BABAM2: variants seen among roughly 807,000 people sequenced by gnomAD.
BABAM2 encodes the protein BRISC and BRCA1-A complex member 2.
A neutral mutation model predicts 54.7 loss-of-function variants in BABAM2; 31 were observed. The ratio of observed to expected loss-of-function variants is 0.57; its 90% CI spans 0.43 to 0.77. BABAM2 has a LOEUF of 0.77. Among genes scored for constraint, BABAM2 ranks in the 30% least tolerant of loss-of-function variants. The pLI, the probability that BABAM2 is intolerant of heterozygous loss-of-function variation, is 0.00. For missense variants in BABAM2, 364 were observed against 455.8 expected (o/e 0.80, Z 1.83); for synonymous variants, 167 against 162.9 (o/e 1.03, Z -0.19).
At chr2:28,227,128 C>T (rs1314189443) in intron 7 of BABAM2, among the ~76,000 whole-genome samples, 1 of 152,038 alleles carries the variant, frequency 6.6e-6, no homozygotes, top group Non-Finnish European at 1.5e-5. Flanking sequence ...GATTCAATCT[C>T]AAAGCCCAGA....
chr2:28,267,790 C>T (rs1216909547), intron 10 of BABAM2, among the ~76,000 whole-genome samples: 2 of 152,230 alleles, frequency 1.3e-5, no homozygotes, highest in Admixed American at 1.3e-4. Context: ...TTGGCTCCAC[C>T]TCACTGCAGG....
intron 7 of BABAM2, among the ~76,000 whole-genome samples, chr2:28,150,571 A>C (rs1424741155): frequency 2.6e-5 from 4 of 152,212 alleles, no homozygotes; most frequent in African/African-American, 9.7e-5. Flanking sequence ...GGCAATCTGT[A>C]AGTATTTTAG....
At chr2:28,232,460 G>T (rs192666071) in intron 7 of BABAM2, among the ~76,000 whole-genome samples, 3 of 152,292 alleles carry the variant, frequency 2.0e-5, no homozygotes, top group Admixed American at 6.5e-5. Flanking sequence ...TTGCTTAATG[G>T]CCAGGACACG....
At chr2:27,949,533 CAAAA>C (rs1042311055) in intron 3 of BABAM2, among the ~76,000 whole-genome samples, 1 of 73,748 alleles carries the variant, frequency 1.4e-5, no homozygotes. Flanking sequence ...GATTCCGTCT[CAAAA>C]AAAAAAAAAA....
chr2:28,162,986 G>C (rs189163876), intron 7 of BABAM2, among the ~76,000 whole-genome samples: 246 of 152,246 alleles, frequency 1.6e-3, no homozygotes, highest in Non-Finnish European at 2.2e-3. Context: ...ATCCACAAGT[G>C]TAAGAATAAA....
intron 10 of BABAM2, among the ~76,000 whole-genome samples, chr2:28,253,495 T>C (rs1325987351): frequency 2.0e-5 from 3 of 152,178 alleles, no homozygotes; most frequent in Non-Finnish European, 4.4e-5. Context: ...CAGAACATCT[T>C]TCTGAGGTTA....
intron 10 of BABAM2, among the ~76,000 whole-genome samples, chr2:28,257,389 C>T (rs558240037): frequency 1.3e-5 from 2 of 152,306 alleles, no homozygotes; most frequent in African/African-American, 4.8e-5. Context: ...TAGCCACCGA[C>T]CACTTTCTGT....
intron 3 of BABAM2, among the ~76,000 whole-genome samples, chr2:27,946,768 C>A (rs917963248): frequency 2.0e-5 from 3 of 152,110 alleles, no homozygotes; most frequent in African/African-American, 7.2e-5. Context: ...AATGCAATTT[C>A]TTTAACAGAT....
At chr2:28,218,113 T>C (rs1277335211) in intron 7 of BABAM2, among the ~76,000 whole-genome samples, 1 of 152,256 alleles carries the variant, frequency 6.6e-6, no homozygotes, top group Non-Finnish European at 1.5e-5. Context: ...ATTCTCTATG[T>C]ACTTACATTT....
intron 10 of BABAM2, among the ~76,000 whole-genome samples, chr2:28,267,421 C>G (rs994765154): frequency 9.4e-5 from 14 of 149,350 alleles, no homozygotes; most frequent in African/African-American, 3.5e-4. Context: ...TTTACACTGA[C>G]TAGACACACA....
chr2:28,079,449 G>T (rs1664972782), intron 6 of BABAM2, among the ~76,000 whole-genome samples: 1 of 152,142 alleles, frequency 6.6e-6, no homozygotes, highest in Non-Finnish European at 1.5e-5. Flanking sequence ...TGTAGTACAA[G>T]AGAGGCAGGA....
Position 27,987,989 on chromosome 2 carries a change from T to G in BABAM2, c.206-4T>G, listed in dbSNP as rs560571611. ...AAAGGACCTGTCATTTTCTTTTATT[T>G]CAGGGGATATCATTTTCAATGCCCA... On this transcript the variant is annotated splice_polypyrimidine_tract_variant and splice_region_variant and intron_variant, in intron 3 of 11. Transcript: ENST00000379624. 14 of 1,605,568 alleles carry G rather than the reference T, an allele frequency of 8.7e-6. 1 individual carries two copies. In the South Asian group the frequency reaches 1.5e-4, roughly 18 times the overall value.
intron 3 of BABAM2, among the ~76,000 whole-genome samples, chr2:27,950,895 T>C (rs1302122104): frequency 2.6e-5 from 4 of 152,204 alleles, no homozygotes; most frequent in African/African-American, 9.6e-5. Flanking sequence ...TTTAAAGGAA[T>C]TTGTCCATTT....
chr2:27,968,396 C>T (rs1474607070), intron 3 of BABAM2, among the ~76,000 whole-genome samples: 2 of 152,204 alleles, frequency 1.3e-5, no homozygotes, highest in South Asian at 2.1e-4. Flanking sequence ...GAACCTCTGT[C>T]TAGATTTCAG....
At chr2:28,226,103 A>G (rs1680858775) in intron 7 of BABAM2, among the ~76,000 whole-genome samples, 1 of 152,234 alleles carries the variant, frequency 6.6e-6, no homozygotes, top group South Asian at 2.1e-4. Context: ...TGAAACTTGA[A>G]TTTTAGTATC....
intron 11 of BABAM2, among the ~76,000 whole-genome samples, chr2:28,334,364 G>C (rs1261357076): frequency 1.3e-5 from 2 of 152,250 alleles, no homozygotes; most frequent in African/African-American, 4.8e-5. Flanking sequence ...CCCGACCCCT[G>C]CCCAGCTCAG....
chr2:28,028,650 A>G (rs190967809), intron 5 of BABAM2, among the ~76,000 whole-genome samples: 1 of 152,332 alleles, frequency 6.6e-6, no homozygotes, highest in African/African-American at 2.4e-5. Flanking sequence ...ATGAATGAAT[A>G]AACTCTCATT....
At chr2:28,271,187 G>A (rs1558489342) in intron 10 of BABAM2, among the ~76,000 whole-genome samples, 1 of 152,304 alleles carries the variant, frequency 6.6e-6, no homozygotes, top group East Asian at 1.9e-4. Context: ...TCACATATAT[G>A]GACGTCTTCA....
chr2:28,117,177 T>A (rs1212041568), intron 6 of BABAM2, among the ~76,000 whole-genome samples: 2 of 152,212 alleles, frequency 1.3e-5, no homozygotes, highest in Non-Finnish European at 2.9e-5. Flanking sequence ...CAGATTGCTC[T>A]AGCAAAGCTT....
Sources: allele counts gnomAD v4.1 joint callset (sites outside exome capture counted in the v4.1 genomes callset), GRCh38; gene constraint gnomAD v4.1.1; transcripts MANE v1.5; gene names NCBI Gene and HGNC (gene_info 2026-07-23, HGNC 2026-07-21).